Variants in ATIC observed in about 807,000 individuals in gnomAD.
ATIC encodes the protein 5-aminoimidazole-4-carboxamide ribonucleotide formyltransferase/IMP cyclohydrolase.
In ATIC, 64 loss-of-function variants were observed where a neutral mutation model predicts 72.5. The ratio of observed to expected loss-of-function variants is 0.88; its 90% CI spans 0.72 to 1.09. The LOEUF (loss-of-function observed/expected upper bound fraction) is 1.09, where lower values mean the gene tolerates loss of function less well. Ranked by LOEUF, ATIC falls within the 50% of genes least tolerant of loss-of-function variation. The probability of loss-of-function intolerance (pLI) is 0.00; values close to 1 mark genes in which losing one functional copy is unlikely to be tolerated. For synonymous variants in ATIC, 281 were observed against 267.1 expected (o/e 1.05, Z -0.51); for missense variants, 787 against 732.4 (o/e 1.07, Z -0.86).
At chr2:215,320,269 C>CAA (rs2052753133) in intron 4 of ATIC, among the ~76,000 whole-genome samples, 1 of 152,202 alleles carries the variant, frequency 6.6e-6, no homozygotes, top group Non-Finnish European at 1.5e-5. Flanking sequence ...CCATACAACT[C>CAA]ACCAATTTAA....
chr2:215,359,729 GT>G, the ATIC span, among the ~76,000 whole-genome samples: 27 of 139,782 alleles, frequency 1.9e-4, no homozygotes, highest in African/African-American at 5.0e-4. Flanking sequence ...TCAAATGGGA[GT>G]TAGTATTTTT....
chr2:215,320,982 T>C (rs896841940), intron 4 of ATIC, among the ~76,000 whole-genome samples: 2 of 152,114 alleles, frequency 1.3e-5, no homozygotes, highest in Non-Finnish European at 2.9e-5. Context: ...CGTGACCCAA[T>C]CATCTCCCAC....
intron 2 of ATIC, among the ~76,000 whole-genome samples, chr2:215,315,683 G>T (rs2052700260): frequency 6.6e-6 from 1 of 152,172 alleles, no homozygotes; most frequent in South Asian, 2.1e-4. Context: ...GGGCGCAGTG[G>T]CTCACCCCTG....
intron 7 of ATIC, among the ~76,000 whole-genome samples, chr2:215,331,928 C>G (rs1468646405): frequency 1.3e-5 from 2 of 152,146 alleles, no homozygotes; most frequent in African/African-American, 4.8e-5. Flanking sequence ...ACAGCTGTTG[C>G]TTTAGCTTGT....
chr2:215,351,673 A>G (rs752021073), downstream of ATIC, among the ~76,000 whole-genome samples: 3 of 152,200 alleles, frequency 2.0e-5, no homozygotes, highest in Non-Finnish European at 4.4e-5. Flanking sequence ...AGTGGAGAAT[A>G]TGCAACTCCC....
chr2:215,320,192 T>C (rs2052752411), intron 4 of ATIC, among the ~76,000 whole-genome samples: 1 of 152,202 alleles, frequency 6.6e-6, no homozygotes, highest in East Asian at 1.9e-4. Flanking sequence ...ACTGAGTTAT[T>C]TGCATAAAGA....
At chr2:215,344,892 G>T (rs755157098) in intron 13 of ATIC, 21 bp downstream of exon 13, 3 of 1,600,714 alleles carry the variant, frequency 1.9e-6, no homozygotes, top group Non-Finnish European at 2.6e-6. Flanking sequence ...TGTTGGACTC[G>T]CCTTCGGGGG....
At chr2:215,323,464 A>G (rs569244444) in intron 4 of ATIC, among the ~76,000 whole-genome samples, 56 of 152,242 alleles carry the variant, frequency 3.7e-4, no homozygotes, top group Non-Finnish European at 7.1e-4. Flanking sequence ...TTTCTTTAAC[A>G]TTGTCTTGTG....
chr2:215,335,107 C>A (rs906070804), intron 10 of ATIC, 103 bp downstream of exon 10: 2 of 594,196 alleles, frequency 3.4e-6, no homozygotes, highest in Non-Finnish European at 2.7e-6. Context: ...TTTATAATAT[C>A]TTTTAATTAG....
At position 215,349,227 on chromosome 2, in the gene ATIC, A is replaced by G; in HGVS notation, c.1637A>G (p.Asp546Gly). The G allele has an allele frequency of 6.2e-7, 1 of 1,614,182 alleles. No homozygotes were observed. The highest frequency in any genetic ancestry group is 8.5e-7 in the Non-Finnish European group (1 of 1,180,028). ...TCTGATGCCTTCTTCCCTTTCCGAG[A>G]TAACGTAGACAGAGCTAAAAGGGTA... is the stretch of plus-strand genomic sequence containing the variant. ...ISSDAFFPFR[D>G]NVDRAKRSGV... The change falls in exon 15 of 16, where the codon GAT becomes GGT. Residue 546 changes from aspartate (D) to glycine (G), a missense_variant. Transcript: ENST00000236959.
chr2:215,337,084 C>CTTTTTTTTTT (rs11285874), intron 11 of ATIC, among the ~76,000 whole-genome samples: 1 of 138,646 alleles, frequency 7.2e-6, no homozygotes, highest in Non-Finnish European at 1.6e-5. Flanking sequence ...TTGTTGTTGG[C>CTTTTTTTTTT]TTTTTTTTTT....
rs552547254 is a variant in ATIC, at chr2:215,349,352, G to T, written c.1659+103G>T. 8.9e-6 allele frequency: 14 copies of T among 1,581,850 alleles called. No individual in the cohort carries two copies. The South Asian group carries it at 1.3e-4, about 15-fold the overall frequency. ...TTAAAAGGTGTGGCAAAGTGATACA[G>T]ATCAGTAATATTCAGAGAACCATTT... On this transcript the variant is annotated intron_variant, in intron 15 of 15. Transcript: ENST00000236959.
At chr2:215,345,019 C>G in intron 13 of ATIC, 148 bp downstream of exon 13, 1 of 821,038 alleles carries the variant, frequency 1.2e-6, no homozygotes, top group Non-Finnish European at 2.0e-6. Context: ...CCTCAGTACC[C>G]TGGTGGGCTG....
At chr2:215,340,220 A>G (rs1477000640) in intron 12 of ATIC, among the ~76,000 whole-genome samples, 2 of 152,054 alleles carry the variant, frequency 1.3e-5, no homozygotes, top group African/African-American at 2.4e-5. Flanking sequence ...TGTGTTTTGG[A>G]TATATTATCT....
rs939350266 is a variant in ATIC at position 215,349,624 on chromosome 2, C to G, written c.1748C>G (p.Ala583Gly). ...EACDELGIIL[A>G]HTNLRLFHH ...TGCGACGAACTGGGAATCATCCTCG[C>G]TCATACGAACCTTCGGCTCTTCCAC... The change falls in exon 16 of 16, where the codon GCT becomes GGT. Residue 583 changes from alanine to glycine, a missense_variant. Physicochemically the swap from Ala to Gly is moderately conservative, Grantham distance 60. Coordinates refer to ENST00000236959, the MANE Select transcript of ATIC (RefSeq NM_004044.7). 4 of 1,614,200 alleles carry G rather than the reference C, an allele frequency of 2.5e-6. No individual in the cohort carries two copies. Among genetic ancestry groups the G allele is most frequent in the Non-Finnish European group, 3.4e-6 (4 of 1,180,036 alleles).
chr2:215,359,138 C>T, the ATIC span, among the ~76,000 whole-genome samples: 3 of 152,258 alleles, frequency 2.0e-5, no homozygotes, highest in South Asian at 4.1e-4. Context: ...CCCACCTCGG[C>T]GCCTCAAAGT....
At chr2:215,330,421 A>T (rs1356428276) in intron 7 of ATIC, among the ~76,000 whole-genome samples, 3 of 152,160 alleles carry the variant, frequency 2.0e-5, no homozygotes, top group African/African-American at 7.2e-5. Flanking sequence ...GAATTTCCAT[A>T]TACCCCGCTT....
rs746711182 is a variant in ATIC, at chr2:215,334,868, T to A, written c.923-51T>A. ...GACAGTGGAGAATTTTATTACTTTT[T>A]CTGTATCAGGATACTTTGTGATAAA... On this transcript the variant is annotated intron_variant, in intron 9 of 15. Transcript: ENST00000236959. 3 of 1,438,558 alleles carry A rather than the reference T, an allele frequency of 2.1e-6. No homozygotes were observed. The East Asian group carries it at 6.9e-5, about 33-fold the overall frequency. 89.1% of individuals were successfully genotyped at this position (1,438,558 alleles called of 1,614,324 possible).
At chr2:215,328,063 G>A (rs188492526) in intron 7 of ATIC, among the ~76,000 whole-genome samples, 1 of 151,826 alleles carries the variant, frequency 6.6e-6, no homozygotes, top group East Asian at 2.0e-4. Context: ...TAGTAGAGAT[G>A]GGGTTTCACC....
Sources: gnomAD v4.1 joint callset for allele counts (sites outside exome capture counted in the v4.1 genomes callset) on GRCh38, gnomAD v4.1.1 for gene constraint, MANE v1.5 for transcripts, NCBI Gene and HGNC (gene_info 2026-07-23, HGNC 2026-07-21) for gene names.